Variants in CACNG2 observed in about 807,000 individuals in gnomAD.
The protein encoded by CACNG2 is voltage-dependent calcium channel gamma-2 subunit.
A neutral mutation model predicts 25.9 loss-of-function variants in CACNG2; 3 were observed. The observed-to-expected ratio is 0.12, with a 90% CI of 0.05 to 0.30. The LOEUF (loss-of-function observed/expected upper bound fraction) is 0.30, where lower values mean the gene tolerates loss of function less well. Ranked by LOEUF, CACNG2 falls within the 10% of genes least tolerant of loss-of-function variation. The pLI, the probability that CACNG2 is intolerant of heterozygous loss-of-function variation, is 1.00. For missense variants in CACNG2, 341 were observed against 432.5 expected, an observed-to-expected ratio of 0.79 and a Z score of 1.88; for synonymous variants, 167 against 173.3, an observed-to-expected ratio of 0.96 and a Z score of 0.29.
At chr22:36,659,679 G>A (rs949725739) in intron 1 of CACNG2, among the ~76,000 whole-genome samples, 6 of 151,884 alleles carry the variant, frequency 4.0e-5, no homozygotes, top group East Asian at 1.9e-4. Context: ...GGGATGGTGC[G>A]GGGACACAGG....
intron 1 of CACNG2, among the ~76,000 whole-genome samples, chr22:36,690,256 G>A (rs1692836767): frequency 2.0e-5 from 3 of 152,222 alleles, no homozygotes; most frequent in Non-Finnish European, 4.4e-5. Context: ...TGGGGACTCA[G>A]GGGGAAGTGC....
chr22:36,653,724 C>T (rs1936657504), intron 1 of CACNG2, among the ~76,000 whole-genome samples: 1 of 152,052 alleles, frequency 6.6e-6, no homozygotes, highest in Non-Finnish European at 1.5e-5. Flanking sequence ...GGAACCCTGG[C>T]ACTGGGTTCC....
chr22:36,632,913 A>G (rs577838764), intron 1 of CACNG2, among the ~76,000 whole-genome samples: 58 of 151,780 alleles, frequency 3.8e-4, no homozygotes, highest in African/African-American at 1.4e-3. Flanking sequence ...ACCTTACCCA[A>G]TCTATCCCCC....
At chr22:36,576,463 C>G (rs1935314165) in intron 2 of CACNG2, among the ~76,000 whole-genome samples, 2 of 151,660 alleles carry the variant, frequency 1.3e-5, no homozygotes, top group Admixed American at 6.6e-5. Context: ...CACAATCTCA[C>G]AAATCACCAC....
intron 2 of CACNG2, among the ~76,000 whole-genome samples, chr22:36,567,847 T>C (rs1271088541): frequency 6.6e-6 from 1 of 151,974 alleles, no homozygotes; most frequent in African/African-American, 2.4e-5. Context: ...AAATATGTCT[T>C]CTTTATTATT....
rs1194866190 is a variant in CACNG2, at chr22:36,701,670, T to G, written c.211+696A>C. On this transcript the variant is annotated intron_variant, in intron 1 of 3. Coordinates refer to ENST00000300105, the MANE Select transcript of CACNG2 (RefSeq NM_006078.5). ...AACCCGCAAGTGAATTGCTGTTTAT[T>G]AGAACTTAGGCTTGTTTCCTGTGAG... 2.6e-5 allele frequency among the ~76,000 whole-genome samples: 4 copies of G among 152,312 alleles called. No homozygotes were observed. The East Asian group carries it at 7.7e-4, about 29-fold the overall frequency.
At chr22:36,622,225 C>T (rs556720507) in intron 1 of CACNG2, among the ~76,000 whole-genome samples, 2 of 152,238 alleles carry the variant, frequency 1.3e-5, no homozygotes, top group Non-Finnish European at 2.9e-5. Flanking sequence ...GTGCTAGGCA[C>T]AAGCTAGTGT....
intron 1 of CACNG2, among the ~76,000 whole-genome samples, chr22:36,649,789 C>T (rs1160095999): frequency 6.6e-6 from 1 of 152,136 alleles, no homozygotes; most frequent in Non-Finnish European, 1.5e-5. Flanking sequence ...AGGGGAGTTC[C>T]CCTGCACACG....
chr22:36,586,729 C>CT (rs1935509560), intron 2 of CACNG2, among the ~76,000 whole-genome samples: 1 of 125,686 alleles, frequency 8.0e-6, no homozygotes, highest in Non-Finnish European at 1.7e-5. Flanking sequence ...GGCCTGAGAA[C>CT]CTCGGCTTTG....
At chr22:36,680,177 TTACCACCACCATCAC>T (rs1406379132) in intron 1 of CACNG2, among the ~76,000 whole-genome samples, 45 of 126,794 alleles carry the variant, frequency 3.5e-4, no homozygotes, top group African/African-American at 1.1e-3. Context: ...GTCACCACCA[TTACCACCACCATCAC>T]TACCACCACC....
At chr22:36,623,651 G>T (rs1603501922) in intron 1 of CACNG2, among the ~76,000 whole-genome samples, 2 of 152,090 alleles carry the variant, frequency 1.3e-5, no homozygotes, top group South Asian at 4.1e-4. Flanking sequence ...GAAAGAGTGA[G>T]GGTTGAGCCA....
intron 1 of CACNG2, among the ~76,000 whole-genome samples, chr22:36,613,860 C>T (rs575909534): frequency 1.3e-5 from 2 of 152,220 alleles, no homozygotes; most frequent in African/African-American, 4.8e-5. Flanking sequence ...GCCCATTTCC[C>T]AAGCTGCAAA....
At chr22:36,667,114 T>G (rs1936885870) in intron 1 of CACNG2, among the ~76,000 whole-genome samples, 1 of 151,916 alleles carries the variant, frequency 6.6e-6, no homozygotes, top group South Asian at 2.1e-4. Context: ...CTCAGCCTCC[T>G]GAGTAGCTGA....
chr22:36,701,359 T>G (rs979130728), intron 1 of CACNG2, among the ~76,000 whole-genome samples: 9 of 152,190 alleles, frequency 5.9e-5, no homozygotes, highest in Admixed American at 2.0e-4. Flanking sequence ...ACAGGAGTTT[T>G]TTTTTCTGTG....
intron 1 of CACNG2, among the ~76,000 whole-genome samples, chr22:36,624,918 C>T (rs900893128): frequency 2.7e-5 from 4 of 149,698 alleles, no homozygotes; most frequent in Non-Finnish European, 5.9e-5. Flanking sequence ...ATTCCAGCTA[C>T]TTGGGAGGCT....
intron 1 of CACNG2, among the ~76,000 whole-genome samples, chr22:36,596,001 C>T (rs1196801128): frequency 6.6e-6 from 1 of 152,212 alleles, no homozygotes; most frequent in Non-Finnish European, 1.5e-5. Context: ...TATCTCACAC[C>T]AACTGCTGTC....
At chr22:36,594,783 CTG>C (rs767482884) in intron 1 of CACNG2, among the ~76,000 whole-genome samples, 21 of 111,764 alleles carry the variant, frequency 1.9e-4, no homozygotes, top group Non-Finnish European at 3.2e-4. Flanking sequence ...GTGTGTGTGT[CTG>C]TGTGTGTGTC....
At chr22:36,666,146 T>C (rs2145988502) in intron 1 of CACNG2, among the ~76,000 whole-genome samples, 1 of 152,326 alleles carries the variant, frequency 6.6e-6, no homozygotes, top group East Asian at 1.9e-4. Context: ...GGCTCAAACC[T>C]GTAACACTAG....
intron 1 of CACNG2, among the ~76,000 whole-genome samples, chr22:36,652,539 C>G (rs923120881): frequency 1.3e-5 from 2 of 152,138 alleles, no homozygotes; most frequent in Admixed American, 6.5e-5. Context: ...TTTCTGAATC[C>G]CTGAACGAAA....
Sources: gnomAD v4.1 joint callset for allele counts (sites outside exome capture counted in the v4.1 genomes callset) on GRCh38, gnomAD v4.1.1 for gene constraint, MANE v1.5 for transcripts, NCBI Gene and HGNC (gene_info 2026-07-23, HGNC 2026-07-21) for gene names.